Variants in PPM1E observed in about 807,000 individuals in gnomAD.
PPM1E encodes protein phosphatase 1E.
A neutral mutation model predicts 65.9 loss-of-function variants in PPM1E; 20 were observed. The observed-to-expected ratio is 0.30, with a 90% confidence interval of 0.21 to 0.44. The LOEUF (loss-of-function observed/expected upper bound fraction) is 0.44, where lower values mean the gene tolerates loss of function less well. PPM1E is among the 20% of genes least tolerant of loss of function. PPM1E has a pLI of 1.00. For missense variants in PPM1E, 713 were observed against 953.1 expected (o/e 0.75, Z 3.32); for synonymous variants, 352 against 374.9 (o/e 0.94, Z 0.70).
intron 1 of PPM1E, among the ~76,000 whole-genome samples, chr17:58,809,492 C>T (rs1205104906): frequency 6.6e-6 from 1 of 152,092 alleles, no homozygotes; most frequent in Non-Finnish European, 1.5e-5. Context: ...ACTCAATCCT[C>T]CCACTTCAGC....
intron 2 of PPM1E, among the ~76,000 whole-genome samples, chr17:58,963,248 G>T (rs188838056): frequency 2.0e-5 from 3 of 151,666 alleles, no homozygotes; most frequent in African/African-American, 7.3e-5. Context: ...TTAGCTGAGT[G>T]TGGTGGCGGG....
At chr17:58,820,048 A>T (rs908021828) in intron 1 of PPM1E, among the ~76,000 whole-genome samples, 2 of 152,200 alleles carry the variant, frequency 1.3e-5, no homozygotes, top group Admixed American at 1.3e-4. Context: ...AACAAAAAAT[A>T]AATAAATAAA....
intron 1 of PPM1E, among the ~76,000 whole-genome samples, chr17:58,874,124 G>C (rs944867826): frequency 6.6e-6 from 1 of 152,122 alleles, no homozygotes; most frequent in Non-Finnish European, 1.5e-5. Flanking sequence ...GAAGTTGAAG[G>C]CCAGCTATCT....
intron 1 of PPM1E, among the ~76,000 whole-genome samples, chr17:58,904,344 G>C (rs904582770): frequency 1.3e-5 from 2 of 152,162 alleles, no homozygotes; most frequent in African/African-American, 4.8e-5. Flanking sequence ...TAATGTATAA[G>C]TGATCAGAGG....
At chr17:58,854,255 A>G (rs1444781035) in intron 1 of PPM1E, among the ~76,000 whole-genome samples, 1 of 152,170 alleles carries the variant, frequency 6.6e-6, no homozygotes, top group Non-Finnish European at 1.5e-5. Flanking sequence ...TTGACTTTGT[A>G]TCCTGCCATT....
chr17:58,903,193 G>C (rs1295333193), intron 1 of PPM1E, among the ~76,000 whole-genome samples: 1 of 152,090 alleles, frequency 6.6e-6, no homozygotes, highest in East Asian at 1.9e-4. Flanking sequence ...TGCTTTTCTG[G>C]TCAAGCTTGG....
intron 6 of PPM1E, among the ~76,000 whole-genome samples, chr17:58,977,866 T>C (rs948294984): frequency 5.3e-5 from 8 of 152,194 alleles, no homozygotes; most frequent in African/African-American, 1.9e-4. Context: ...CCTCAGCCTC[T>C]TGAGTAGCTG....
chr17:58,766,043 G>A (rs1010898073), intron 1 of PPM1E, among the ~76,000 whole-genome samples: 5 of 150,492 alleles, frequency 3.3e-5, no homozygotes, highest in African/African-American at 1.2e-4. Context: ...ACCACACCTG[G>A]CTAATTTTTG....
chr17:58,816,022 TTTC>T (rs767673802), intron 1 of PPM1E, among the ~76,000 whole-genome samples: 1 of 151,670 alleles, frequency 6.6e-6, no homozygotes, highest in Non-Finnish European at 1.5e-5. Flanking sequence ...GTGTATAATA[TTTC>T]TTTTTTTTTG....
Position 58,756,369 on chromosome 17 carries a change from G to GC in PPM1E, c.377dup (p.Leu127AlafsTer30). ...CGCCGCCGCCCCAGCTGCCGCCTTTGCCCCCGCTCCCGCGACCGCTGTCAG... is the reference window on the plus strand; with the variant it reads ...CGCCGCCGCCCCAGCTGCCGCCTTTGCCCCCCGCTCCCGCGACCGCTGTCAG... On this transcript the variant is annotated frameshift_variant, in exon 1 of 7. Coordinates refer to ENST00000308249, the MANE Select transcript of PPM1E (RefSeq NM_014906.5). LOFTEE classifies it high-confidence loss of function. The GC allele has an allele frequency of 7.3e-7, 1 of 1,375,262 alleles. No individual in the cohort carries two copies. Among genetic ancestry groups the GC allele is most frequent in the Non-Finnish European group, 9.4e-7 (1 of 1,066,536 alleles). 85.2% of individuals were successfully genotyped at this position (1,375,262 alleles called of 1,614,324 possible). A position where few individuals can be genotyped will look rare whatever the true frequency, so the allele number is the denominator to read the frequency against.
At position 58,935,023 on chromosome 17, in the gene PPM1E, C is replaced by T. The variant is rs188441162; in HGVS notation, c.465-20626C>T. The stretch of plus-strand genomic sequence containing the variant: ...ATCCCAGCACTTTGGGAGGCTGAGA[C>T]GGGCAGATCACAAGGTCAGGAGTTC... On this transcript the variant is annotated intron_variant, in intron 1 of 6. Transcript: ENST00000308249. Among the ~76,000 whole-genome samples the T allele has an allele frequency of 9.1e-3, 1,368 of 151,124 alleles. 17 individuals are homozygous for T. The highest frequency in any genetic ancestry group is 0.032 in the African/African-American group (1,305 of 41,184).
intron 1 of PPM1E, among the ~76,000 whole-genome samples, chr17:58,827,592 A>T (rs2050551988): frequency 6.6e-6 from 1 of 152,062 alleles, no homozygotes; most frequent in South Asian, 2.1e-4. Flanking sequence ...GGACATGAGA[A>T]CCTATAAATT....
chr17:58,973,751 G>A (rs1006042048), intron 6 of PPM1E, among the ~76,000 whole-genome samples: 1 of 152,044 alleles, frequency 6.6e-6, no homozygotes, highest in Non-Finnish European at 1.5e-5. Context: ...AGGAGATGGA[G>A]ACCATCCTGG....
At chr17:58,932,133 A>G (rs911837125) in intron 1 of PPM1E, among the ~76,000 whole-genome samples, 4 of 152,056 alleles carry the variant, frequency 2.6e-5, no homozygotes, top group Admixed American at 1.3e-4. Context: ...ATAAAAATAA[A>G]GGATTGGAAG....
chr17:58,822,383 C>T (rs928834577), intron 1 of PPM1E, among the ~76,000 whole-genome samples: 1 of 147,352 alleles, frequency 6.8e-6, no homozygotes, highest in Admixed American at 6.8e-5. Flanking sequence ...TATTTTTTGA[C>T]GAGTCCCAAG....
At chr17:58,962,596 G>C (rs1174387206) in intron 2 of PPM1E, among the ~76,000 whole-genome samples, 1 of 152,156 alleles carries the variant, frequency 6.6e-6, no homozygotes, top group Non-Finnish European at 1.5e-5. Context: ...GATACAAGCA[G>C]GTAATTGCTG....
At chr17:58,941,214 A>G (rs760077715) in intron 1 of PPM1E, among the ~76,000 whole-genome samples, 1 of 152,218 alleles carries the variant, frequency 6.6e-6, no homozygotes, top group Non-Finnish European at 1.5e-5. Flanking sequence ...TTTCCATAGC[A>G]TGGAAGGAGA....
At chr17:58,891,007 G>A (rs1220515737) in intron 1 of PPM1E, among the ~76,000 whole-genome samples, 1 of 151,322 alleles carries the variant, frequency 6.6e-6, no homozygotes, top group Non-Finnish European at 1.5e-5. Context: ...TTTTGCTCTT[G>A]TTACCCAGGC....
At chr17:58,890,240 A>G (rs2143427106) in intron 1 of PPM1E, among the ~76,000 whole-genome samples, 1 of 152,328 alleles carries the variant, frequency 6.6e-6, no homozygotes. Flanking sequence ...CAAGGCCAAG[A>G]GTTAAGATTA....
Sources: allele counts gnomAD v4.1 joint callset (sites outside exome capture counted in the v4.1 genomes callset), GRCh38; gene constraint gnomAD v4.1.1; transcripts MANE v1.5; gene names NCBI Gene and HGNC (gene_info 2026-07-23, HGNC 2026-07-21).